Variants in TBC1D5 observed in about 807,000 individuals in gnomAD.
TBC1D5 encodes the protein TBC1 domain family member 5.
A neutral mutation model predicts 100.3 loss-of-function variants in TBC1D5; 75 were observed. The observed-to-expected ratio is 0.75, with a 90% confidence interval of 0.62 to 0.91. The LOEUF is 0.91. TBC1D5 is among the 40% of genes least tolerant of loss of function. The pLI, the probability that TBC1D5 is intolerant of heterozygous loss-of-function variation, is 0.00. For missense variants in TBC1D5, 910 were observed against 942.4 expected (o/e 0.97, Z 0.45); for synonymous variants, 323 against 325.6 (o/e 0.99, Z 0.09).
chr3:17,285,911 G>A (rs568111409), intron 15 of TBC1D5, among the ~76,000 whole-genome samples: 2 of 152,258 alleles, frequency 1.3e-5, no homozygotes, highest in Admixed American at 1.3e-4. Context: ...TTTATAGTGT[G>A]TTTCTGTGTA....
chr3:17,412,539 T>C (rs182647491), intron 4 of TBC1D5, among the ~76,000 whole-genome samples: 117 of 152,236 alleles, frequency 7.7e-4, no homozygotes, highest in Middle Eastern at 3.4e-3. Flanking sequence ...ATAGAAAATA[T>C]TGAGGTGTCA....
chr3:17,531,800 G>A, intron 2 of TBC1D5, among the ~76,000 whole-genome samples: 1 of 152,182 alleles, frequency 6.6e-6, no homozygotes, highest in African/African-American at 2.4e-5. Context: ...AGCTGAAACT[G>A]GATCCCTTCC....
chr3:17,323,067 A>C (rs2085636360), intron 13 of TBC1D5, among the ~76,000 whole-genome samples: 1 of 152,248 alleles, frequency 6.6e-6, no homozygotes, highest in Non-Finnish European at 1.5e-5. Flanking sequence ...AAGTAAACTC[A>C]ACATTTCTTT....
At position 17,406,157 on chromosome 3, in the gene TBC1D5, T is replaced by C. The variant is rs112323619; in HGVS notation, c.276+261A>G. 3.1e-3 allele frequency among the ~76,000 whole-genome samples: 476 copies of C among 152,248 alleles called. 1 individual carries two copies. The highest frequency in any genetic ancestry group is 4.0e-3 in the Non-Finnish European group (273 of 67,980). Reference sequence around the variant, plus strand: ...GAGCCTCTGGGGAGTGTAAAAGTGTTGCTCTGAATTTGGCACCATCAAAAC... The same window carrying C: ...GAGCCTCTGGGGAGTGTAAAAGTGTCGCTCTGAATTTGGCACCATCAAAAC... On this transcript the variant is annotated intron_variant, in intron 5 of 21. Transcript: ENST00000253692.
intron 1 of TBC1D5, among the ~76,000 whole-genome samples, chr3:17,726,994 T>TAAGATTCTGAAATTAAGTCTTCAAATAG (rs2076179959): frequency 2.6e-5 from 4 of 152,188 alleles, no homozygotes; most frequent in Non-Finnish European, 5.9e-5. Flanking sequence ...TAATAGATAG[T>TAAGATTCTGAAATTAAGTCTTCAAATAG]AAGATTCTGA....
intron 14 of TBC1D5, among the ~76,000 whole-genome samples, chr3:17,298,587 A>C (rs1490721201): frequency 1.3e-5 from 2 of 152,192 alleles, no homozygotes; most frequent in Non-Finnish European, 2.9e-5. Flanking sequence ...GGAAGGAGAA[A>C]GTGGGTGGAG....
intron 3 of TBC1D5, among the ~76,000 whole-genome samples, chr3:17,436,883 G>C (rs1386422799): frequency 6.6e-6 from 1 of 152,116 alleles, no homozygotes; most frequent in African/African-American, 2.4e-5. Context: ...ATGGGAAACA[G>C]GGACTAATTT....
At chr3:17,265,788 G>C (rs765610465) in intron 15 of TBC1D5, among the ~76,000 whole-genome samples, 1 of 151,928 alleles carries the variant, frequency 6.6e-6, no homozygotes, top group Non-Finnish European at 1.5e-5. Context: ...TAGAGCTGCA[G>C]AGCAAAAACT....
intron 15 of TBC1D5, among the ~76,000 whole-genome samples, chr3:17,284,866 C>T (rs377597892): frequency 1.3e-5 from 2 of 151,968 alleles, no homozygotes; most frequent in South Asian, 2.1e-4. Flanking sequence ...CCTAATTAGT[C>T]ACTAAATACC....
chr3:17,573,797 TTCTTCTGAGGTA>T (rs927728686), intron 2 of TBC1D5, among the ~76,000 whole-genome samples: 2 of 152,034 alleles, frequency 1.3e-5, no homozygotes, highest in Non-Finnish European at 2.9e-5. Context: ...TTAAGAACCC[TTCTTCTGAGGTA>T]CACTGTTTCC....
chr3:17,669,480 G>C (rs1187377873), intron 1 of TBC1D5, among the ~76,000 whole-genome samples: 1 of 151,998 alleles, frequency 6.6e-6, no homozygotes, highest in Non-Finnish European at 1.5e-5. Flanking sequence ...ATACTACTTG[G>C]ATTAAAATTC....
intron 2 of TBC1D5, among the ~76,000 whole-genome samples, chr3:17,579,239 T>C (rs1365618296): frequency 1.3e-5 from 2 of 152,068 alleles, no homozygotes; most frequent in African/African-American, 4.8e-5. Context: ...ACTCCTGAAG[T>C]GGGTGTAACC....
intron 1 of TBC1D5, among the ~76,000 whole-genome samples, chr3:17,734,867 C>T (rs1014425912): frequency 1.3e-5 from 2 of 151,908 alleles, no homozygotes; most frequent in African/African-American, 4.8e-5. Flanking sequence ...GGGAGGATAG[C>T]TTGAGCCCCG....
At chr3:17,473,542 G>A (rs547121860) in intron 3 of TBC1D5, among the ~76,000 whole-genome samples, 1 of 152,266 alleles carries the variant, frequency 6.6e-6, no homozygotes, top group Non-Finnish European at 1.5e-5. Context: ...ACTAAGCTCT[G>A]AGAGAAAGAG....
rs553602272 is a variant in TBC1D5 at position 17,285,324 on chromosome 3, G to C, written c.1245+6571C>G. Reference sequence around the variant, plus strand: ...CGCCCAGGCTGGAGTGCAGTGGCGCGATCTCGGCTCACTGCAAGCTCCGCC... The same window carrying C: ...CGCCCAGGCTGGAGTGCAGTGGCGCCATCTCGGCTCACTGCAAGCTCCGCC... On this transcript the variant is annotated intron_variant, in intron 15 of 21. Coordinates refer to ENST00000253692, the Ensembl canonical transcript of TBC1D5. 7.3e-5 allele frequency among the ~76,000 whole-genome samples: 10 copies of C among 136,514 alleles called. No individual in the cohort carries two copies. The East Asian group carries it at 7.9e-4, about 11-fold the overall frequency. 89.6% of individuals were successfully genotyped at this position (136,514 alleles called of 152,430 possible).
chr3:17,632,386 T>C (rs371059244), intron 1 of TBC1D5, among the ~76,000 whole-genome samples: 11 of 152,348 alleles, frequency 7.2e-5, no homozygotes, highest in East Asian at 3.9e-4. Flanking sequence ...CTTGTAAAGA[T>C]GCTGTGAACA....
At chr3:17,425,315 A>G (rs887242190) in intron 4 of TBC1D5, among the ~76,000 whole-genome samples, 3 of 152,170 alleles carry the variant, frequency 2.0e-5, no homozygotes, top group Non-Finnish European at 4.4e-5. Flanking sequence ...GAACCAGTAC[A>G]CTATGTTTAA....
chr3:17,487,971 A>G (rs971806471), intron 3 of TBC1D5, among the ~76,000 whole-genome samples: 1 of 152,206 alleles, frequency 6.6e-6, no homozygotes, highest in Non-Finnish European at 1.5e-5. Flanking sequence ...GAATGTGCCA[A>G]TGGTAACAAA....
chr3:17,471,981 C>T (rs2150140668), intron 3 of TBC1D5, among the ~76,000 whole-genome samples: 1 of 152,140 alleles, frequency 6.6e-6, no homozygotes, highest in African/African-American at 2.4e-5. Context: ...AAATAGCAAA[C>T]TATACTAACA....
Sources: allele counts gnomAD v4.1 joint callset (sites outside exome capture counted in the v4.1 genomes callset), GRCh38; gene constraint gnomAD v4.1.1; transcripts MANE v1.5; gene names NCBI Gene and HGNC (gene_info 2026-07-23, HGNC 2026-07-21).